BCKDHB: variants seen among roughly 807,000 people sequenced by gnomAD.
BCKDHB encodes 2-oxoisovalerate dehydrogenase subunit beta, mitochondrial.
BCKDHB carries 41 observed loss-of-function variants against 48.5 expected under a neutral mutation model. The ratio of observed to expected loss-of-function variants is 0.85; its 90% CI spans 0.66 to 1.10. The LOEUF is 1.10. BCKDHB is among the 50% of genes least tolerant of loss of function. The probability of loss-of-function intolerance (pLI) is 0.00; values close to 1 mark genes in which losing one functional copy is unlikely to be tolerated. For missense variants in BCKDHB, 496 were observed against 494.2 expected, an observed-to-expected ratio of 1.00 and a Z score of -0.03; for synonymous variants, 201 against 174.8, an observed-to-expected ratio of 1.15 and a Z score of -1.18.
chr6:80,129,812 A>C (rs1770540164), intron 3 of BCKDHB, among the ~76,000 whole-genome samples: 1 of 152,164 alleles, frequency 6.6e-6, no homozygotes, highest in African/African-American at 2.4e-5. Flanking sequence ...CCTTAAATTG[A>C]TTGTATGAAG....
chr6:80,287,849 A>G (rs1418474291), intron 9 of BCKDHB, among the ~76,000 whole-genome samples: 1 of 152,204 alleles, frequency 6.6e-6, no homozygotes, highest in Non-Finnish European at 1.5e-5. Flanking sequence ...CATGGGTCAG[A>G]GGTTTGCCTG....
At chr6:80,151,481 T>C (rs1691859808) in intron 3 of BCKDHB, among the ~76,000 whole-genome samples, 1 of 152,090 alleles carries the variant, frequency 6.6e-6, no homozygotes, top group South Asian at 2.1e-4. Context: ...TTTTAAACTG[T>C]ATTGCATTTG....
At chr6:80,300,720 G>A (rs1767536949) in intron 9 of BCKDHB, among the ~76,000 whole-genome samples, 1 of 152,164 alleles carries the variant, frequency 6.6e-6, no homozygotes, top group Admixed American at 6.5e-5. Context: ...TCATGTGCAT[G>A]TGGGACATAG....
At chr6:80,456,488 T>C in the BCKDHB span, among the ~76,000 whole-genome samples, 1 of 152,128 alleles carries the variant, frequency 6.6e-6, no homozygotes, top group Non-Finnish European at 1.5e-5. Flanking sequence ...TAATCCCCGG[T>C]AAAAGTTTAT....
the BCKDHB span, among the ~76,000 whole-genome samples, chr6:80,408,190 C>T: frequency 2.0e-5 from 3 of 152,124 alleles, no homozygotes; most frequent in Admixed American, 2.0e-4. Context: ...AGGCTTGCAT[C>T]CCAGGTATGA....
the BCKDHB span, among the ~76,000 whole-genome samples, chr6:80,365,239 CT>C: frequency 1.1e-4 from 17 of 152,232 alleles, no homozygotes; most frequent in South Asian, 2.1e-4. Flanking sequence ...CATGTATTGT[CT>C]TGATAAACAT....
intron 3 of BCKDHB, among the ~76,000 whole-genome samples, chr6:80,166,613 G>A (rs370124516): frequency 1.1e-4 from 16 of 150,788 alleles, no homozygotes; most frequent in South Asian, 2.1e-4. Flanking sequence ...CTGAGATTGC[G>A]CCATTGCACT....
intron 8 of BCKDHB, among the ~76,000 whole-genome samples, chr6:80,253,567 A>G (rs3828750): frequency 0.073 from 11,138 of 152,174 alleles, 587 homozygotes; most frequent in South Asian, 0.24. Flanking sequence ...CTTACTAGGA[A>G]AGCATAAACT....
chr6:80,450,683 C>A, the BCKDHB span, among the ~76,000 whole-genome samples: 9 of 152,134 alleles, frequency 5.9e-5, no homozygotes, highest in Non-Finnish European at 1.3e-4. Context: ...CTGTTACAAT[C>A]TCATGCACCT....
At chr6:80,460,187 A>G in the BCKDHB span, among the ~76,000 whole-genome samples, 2 of 152,174 alleles carry the variant, frequency 1.3e-5, no homozygotes, top group African/African-American at 4.8e-5. Flanking sequence ...TCTGGAAAAA[A>G]CAAATTTTAT....
At chr6:80,428,493 G>A in the BCKDHB span, among the ~76,000 whole-genome samples, 2 of 152,160 alleles carry the variant, frequency 1.3e-5, no homozygotes, top group Non-Finnish European at 2.9e-5. Flanking sequence ...CACCAACAGT[G>A]TGAAAGTGTT....
chr6:80,283,548 C>T (rs755941484), intron 9 of BCKDHB, among the ~76,000 whole-genome samples: 1 of 152,000 alleles, frequency 6.6e-6, no homozygotes, highest in African/African-American at 2.4e-5. Context: ...AATGAAGTTT[C>T]GTAGACTGAA....
chr6:80,421,332 T>A, the BCKDHB span, among the ~76,000 whole-genome samples: 1 of 152,208 alleles, frequency 6.6e-6, no homozygotes, highest in African/African-American at 2.4e-5. Flanking sequence ...ATTAAACCTC[T>A]TTTGTTTATA....
the BCKDHB span, among the ~76,000 whole-genome samples, chr6:80,380,860 A>G: frequency 6.6e-6 from 1 of 152,024 alleles, no homozygotes. Context: ...TGTTGCAAGA[A>G]TATAGAAACA....
chr6:80,313,938 A>T (rs1290749444), intron 9 of BCKDHB, among the ~76,000 whole-genome samples: 1 of 152,152 alleles, frequency 6.6e-6, no homozygotes, highest in Non-Finnish European at 1.5e-5. Flanking sequence ...ACACTGCTTT[A>T]GCTGCATCCC....
chr6:80,264,434 C>G (rs564723900), intron 8 of BCKDHB, among the ~76,000 whole-genome samples: 4 of 152,250 alleles, frequency 2.6e-5, no homozygotes, highest in Middle Eastern at 3.4e-3. Context: ...TAATTACTGG[C>G]ACAATATGGA....
At chr6:80,226,741 A>C (rs1775695281) in intron 8 of BCKDHB, among the ~76,000 whole-genome samples, 1 of 152,202 alleles carries the variant, frequency 6.6e-6, no homozygotes, top group Admixed American at 6.5e-5. Context: ...TTTCTGCAGC[A>C]GGCGCCTGCC....
chr6:80,425,284 A>G, the BCKDHB span, among the ~76,000 whole-genome samples: 1 of 152,228 alleles, frequency 6.6e-6, no homozygotes, highest in East Asian at 1.9e-4. Flanking sequence ...CTGGAATTCA[A>G]GACTAAAATA....
chr6:80,169,900 G>A (rs551249178), intron 5 of BCKDHB: 3 of 1,569,348 alleles, frequency 1.9e-6, no homozygotes, highest in African/African-American at 2.8e-5. Context: ...GAAGCCATGT[G>A]CGAGGCAAGT....
Sources: allele counts gnomAD v4.1 joint callset (sites outside exome capture counted in the v4.1 genomes callset), GRCh38; gene constraint gnomAD v4.1.1; transcripts MANE v1.5; gene names NCBI Gene and HGNC (gene_info 2026-07-23, HGNC 2026-07-21).